Variants in NUMB observed in about 807,000 individuals in gnomAD.
NUMB encodes the protein protein numb homolog.
A neutral mutation model predicts 59.7 loss-of-function variants in NUMB; 29 were observed. The observed-to-expected ratio is 0.49, with a 90% CI of 0.36 to 0.66. The LOEUF (loss-of-function observed/expected upper bound fraction) is 0.66. NUMB is among the 30% of genes least tolerant of loss of function. The probability of loss-of-function intolerance (pLI) is 0.00; values close to 1 mark genes in which losing one functional copy is unlikely to be tolerated. For synonymous variants in NUMB, 288 were observed against 288.2 expected, an observed-to-expected ratio of 1.00 and a Z score of 0.01; for missense variants, 723 against 822.0, an observed-to-expected ratio of 0.88 and a Z score of 1.47.
intron 4 of NUMB, among the ~76,000 whole-genome samples, chr14:73,341,108 T>A (rs1356066265): frequency 6.6e-6 from 1 of 152,224 alleles, no homozygotes; most frequent in Non-Finnish European, 1.5e-5. Context: ...ACCTCTTTCC[T>A]TTATAAATTA....
intron 4 of NUMB, among the ~76,000 whole-genome samples, chr14:73,335,880 C>T (rs1455256790): frequency 3.3e-5 from 5 of 152,220 alleles, no homozygotes; most frequent in Admixed American, 2.6e-4. Flanking sequence ...TATGCAGATG[C>T]GCACAATACA....
chr14:73,343,534 G>C (rs774321879), intron 4 of NUMB, among the ~76,000 whole-genome samples: 4 of 152,156 alleles, frequency 2.6e-5, no homozygotes, highest in African/African-American at 7.2e-5. Context: ...CAAAGTAATC[G>C]CTTCCTTAGC....
intron 6 of NUMB, among the ~76,000 whole-genome samples, chr14:73,309,685 G>A (rs1890657693): frequency 6.7e-6 from 1 of 149,000 alleles, no homozygotes; most frequent in Non-Finnish European, 1.5e-5. Context: ...TAACAAACCT[G>A]CATGTTCTGC....
intron 2 of NUMB, among the ~76,000 whole-genome samples, chr14:73,404,638 T>G (rs1267665409): frequency 1.3e-5 from 2 of 152,226 alleles, no homozygotes; most frequent in Non-Finnish European, 2.9e-5. Context: ...AAATATTTCA[T>G]AATAAAAAGT....
In NUMB at chr14:73,355,618, G is replaced by A; in HGVS notation, c.126+8C>T. 1 of 1,611,270 alleles carries A rather than the reference G, an allele frequency of 6.2e-7. No individual in the cohort carries two copies. The highest frequency in any genetic ancestry group is 2.2e-5 in the East Asian group (1 of 44,774). On this transcript the variant is annotated splice_region_variant and intron_variant, in intron 4 of 12. Transcript: ENST00000555238. ...CACATACAGACTTATAGAAACATCA[G>A]CTCTTACCTTAACCGGGAAGCTACA...
At chr14:73,418,439 T>C (rs1226999792) in intron 1 of NUMB, among the ~76,000 whole-genome samples, 2 of 152,164 alleles carry the variant, frequency 1.3e-5, no homozygotes, top group Non-Finnish European at 2.9e-5. Context: ...AATGTCAACA[T>C]ACTGAATGCC....
intron 1 of NUMB, among the ~76,000 whole-genome samples, chr14:73,434,400 G>A (rs1422262104): frequency 1.3e-5 from 2 of 152,118 alleles, no homozygotes; most frequent in African/African-American, 2.4e-5. Flanking sequence ...CACTTAGAAC[G>A]CTTCTTGGAA....
intron 7 of NUMB, among the ~76,000 whole-genome samples, chr14:73,293,938 G>A (rs933578286): frequency 4.6e-5 from 7 of 152,164 alleles, no homozygotes; most frequent in South Asian, 2.1e-4. Flanking sequence ...TAGTGAAGGC[G>A]GGCATTTAAA....
intron 8 of NUMB, among the ~76,000 whole-genome samples, chr14:73,289,181 C>G (rs1268751741): frequency 6.8e-6 from 1 of 148,024 alleles, no homozygotes; most frequent in Non-Finnish European, 1.5e-5. Context: ...CTCTAATTCC[C>G]AACTCTACCT....
intron 2 of NUMB, among the ~76,000 whole-genome samples, chr14:73,389,031 G>A (rs1895692981): frequency 6.6e-6 from 1 of 150,662 alleles, no homozygotes; most frequent in South Asian, 2.1e-4. Context: ...CCCGGGAGGC[G>A]GAGCTTGCAG....
At position 73,423,635 on chromosome 14, in the gene NUMB, T is replaced by G. The variant is rs2097993; in HGVS notation, c.-232-13567A>C. On this transcript the variant is annotated intron_variant, in intron 1 of 12. Coordinates refer to ENST00000555238, the MANE Select transcript of NUMB (RefSeq NM_001005743.2). ...CAGCCTGAGCATCAGAGCAAGATTC[T>G]GTCTCAAAAAAGAAAAAAAAAAAAA... is the stretch of plus-strand genomic sequence containing the variant. Among the ~76,000 whole-genome samples, 1,146 of 150,362 alleles carry G rather than the reference T, an allele frequency of 7.6e-3. 14 individuals carry two copies. Among genetic ancestry groups the G allele is most frequent in the African/African-American group, 0.026 (1,072 of 40,840 alleles).
chr14:73,400,702 G>A lies in NUMB; in HGVS notation c.-101+9235C>T, dbSNP rs139684685. ...GCTGAAGGGTAAGCTGATTACAAAT[G>A]GCCAATGACTTAATCAATCATGCCT... On this transcript the variant is annotated intron_variant, in intron 2 of 12. Coordinates refer to ENST00000555238, the MANE Select transcript of NUMB (RefSeq NM_001005743.2). 2.1e-3 allele frequency among the ~76,000 whole-genome samples: 318 copies of A among 152,282 alleles called. 1 individual carries two copies. Among genetic ancestry groups the A allele is most frequent in the African/African-American group, 7.5e-3 (313 of 41,554 alleles).
Position 73,327,980 on chromosome 14 carries a change from G to T in NUMB, c.127-4776C>A, listed in dbSNP as rs191836357. Reference sequence around the variant, plus strand: ...TATTCCTATAATTTTGCCTTTTAAAGAATTATCATATTGGCTGGGCGTGGT... The same window carrying T: ...TATTCCTATAATTTTGCCTTTTAAATAATTATCATATTGGCTGGGCGTGGT... On this transcript the variant is annotated intron_variant, in intron 4 of 12. Transcript: ENST00000555238. Among the ~76,000 whole-genome samples, 37 of 152,212 alleles carry T rather than the reference G, an allele frequency of 2.4e-4. 1 individual carries two copies. Among genetic ancestry groups the T allele is most frequent in the Admixed American group, 1.4e-3 (22 of 15,278 alleles).
In NUMB at chr14:73,316,415, T is replaced by C. The variant is rs745802236; in HGVS notation, c.209A>G (p.Lys70Arg). The C allele has an allele frequency of 1.8e-5, 29 of 1,613,646 alleles. No homozygotes were observed. The highest frequency in any genetic ancestry group is 2.2e-5 in the Non-Finnish European group (26 of 1,179,834). Residue 70 changes from lysine to arginine, a missense_variant, in exon 6 of 13, where the codon AAG becomes AGG. Coordinates refer to ENST00000555238, the MANE Select transcript of NUMB (RefSeq NM_001005743.2). ...TTTTCCAAAGAAGCCTTTGAAGAAC[T>C]TCCTTTCCTGGAGGAACAGGGGGAC... ...DAVKRLKAER[K>R]FFKGFFGKTG...
chr14:73,433,356 AGG>A (rs1897915496), intron 1 of NUMB, among the ~76,000 whole-genome samples: 2 of 152,120 alleles, frequency 1.3e-5, no homozygotes, highest in Non-Finnish European at 2.9e-5. Flanking sequence ...CGGGAGACGG[AGG>A]TTGCAGTGAG....
chr14:73,408,485 C>G lies in NUMB; in HGVS notation c.-101+1452G>C, dbSNP rs186852938. On this transcript the variant is annotated intron_variant, in intron 2 of 12. Transcript: ENST00000555238. ...TGAACTAACGTGTTCTTAAAAACAACAACAACAAAACTCCAAACTACAAAT... is the reference window on the plus strand; with the variant it reads ...TGAACTAACGTGTTCTTAAAAACAAGAACAACAAAACTCCAAACTACAAAT... Among the ~76,000 whole-genome samples, 1,338 of 152,120 alleles carry G rather than the reference C, an allele frequency of 8.8e-3. 6 individuals carry two copies. The highest frequency in any genetic ancestry group is 0.013 in the Non-Finnish European group (900 of 67,990).
chr14:73,384,460 G>A (rs555374102), intron 2 of NUMB, among the ~76,000 whole-genome samples: 254 of 152,174 alleles, frequency 1.7e-3, no homozygotes, highest in African/African-American at 5.8e-3. Flanking sequence ...ACACTTAAAA[G>A]AAAAGTGCAG....
chr14:73,284,673 C>A, intron 9 of NUMB: 1 of 240,422 alleles, frequency 4.2e-6, no homozygotes, highest in Non-Finnish European at 8.1e-6. Context: ...CCTATGAATT[C>A]CTAATATGTA....
intron 2 of NUMB, among the ~76,000 whole-genome samples, chr14:73,397,200 G>T (rs1397684717): frequency 3.3e-5 from 5 of 152,118 alleles, no homozygotes; most frequent in Non-Finnish European, 7.4e-5. Flanking sequence ...CGATTCAGTA[G>T]GTCTGGGTGG....
Sources: gnomAD v4.1 joint callset for allele counts (sites outside exome capture counted in the v4.1 genomes callset) on GRCh38, gnomAD v4.1.1 for gene constraint, MANE v1.5 for transcripts, NCBI Gene and HGNC (gene_info 2026-07-23, HGNC 2026-07-21) for gene names.